Variants in NAPEPLD observed in about 807,000 individuals in gnomAD.
The protein encoded by NAPEPLD is N-acyl-phosphatidylethanolamine-hydrolyzing phospholipase D.
A neutral mutation model predicts 38.1 loss-of-function variants in NAPEPLD; 23 were observed. The ratio of observed to expected loss-of-function variants is 0.60; its 90% confidence interval spans 0.43 to 0.86. The LOEUF (loss-of-function observed/expected upper bound fraction) is 0.86, where lower values mean the gene tolerates loss of function less well. NAPEPLD is among the 40% of genes least tolerant of loss of function. The pLI, the probability that NAPEPLD is intolerant of heterozygous loss-of-function variation, is 0.00. For missense variants in NAPEPLD, 411 were observed against 476.8 expected (o/e 0.86, Z 1.28); for synonymous variants, 147 against 162.0 (o/e 0.91, Z 0.71).
intron 1 of NAPEPLD, among the ~76,000 whole-genome samples, chr7:103,146,792 G>A (rs79885585): frequency 0.049 from 7,493 of 152,142 alleles, 243 homozygotes; most frequent in African/African-American, 0.084. Context: ...AGTCTGCAGT[G>A]TATATATTCT....
upstream of NAPEPLD, chr7:103,149,293 G>A (rs1362457524): frequency 5.7e-5 from 61 of 1,079,136 alleles, no homozygotes; most frequent in Non-Finnish European, 6.8e-5. Context: ...CGCTTGGGGT[G>A]GCCGGGAGCG....
At chr7:103,117,567 C>T (rs548283846) in intron 3 of NAPEPLD, among the ~76,000 whole-genome samples, 8 of 152,278 alleles carry the variant, frequency 5.3e-5, no homozygotes, top group South Asian at 2.1e-4. Context: ...AAGTTGTTTT[C>T]GGTCTAAACA....
At chr7:103,116,849 A>G (rs1381673813) in intron 3 of NAPEPLD, among the ~76,000 whole-genome samples, 2 of 152,202 alleles carry the variant, frequency 1.3e-5, no homozygotes, top group Non-Finnish European at 2.9e-5. Context: ...TTGTCTGTGA[A>G]ATATAAATTT....
intron 1 of NAPEPLD, among the ~76,000 whole-genome samples, chr7:103,142,214 A>G (rs1811553140): frequency 6.6e-6 from 1 of 152,036 alleles, no homozygotes; most frequent in Non-Finnish European, 1.5e-5. Flanking sequence ...CGTAAAGCCA[A>G]CTCTTACTTC....
chr7:103,115,170 AC>A lies in NAPEPLD; in HGVS notation c.945del (p.Trp315CysfsTer3). ...GGGTCTACATGCTGGTATTTCATAA[AC>A]CACCTGAAGAAACATGGCAATTTCT... ...AIPIGAYEPR[W>X]FMKYQHVDPE... On this transcript the variant is annotated frameshift_variant, in exon 4 of 5. Transcript: ENST00000465647. LOFTEE classifies it high-confidence loss of function. The A allele has an allele frequency of 6.2e-7, 1 of 1,609,752 alleles. No individual in the cohort carries two copies. The highest frequency in any genetic ancestry group is 8.5e-7 in the Non-Finnish European group (1 of 1,177,538).
At chr7:103,130,414 T>C (rs1808689773) in intron 1 of NAPEPLD, among the ~76,000 whole-genome samples, 1 of 152,196 alleles carries the variant, frequency 6.6e-6, no homozygotes. Context: ...TAACAAGATT[T>C]ATACTTTGGG....
At position 103,114,953 on chromosome 7, in the gene NAPEPLD, G is replaced by A. The variant is rs1430930101; in HGVS notation, c.1056+107C>T. ...TTCATGCAGTGACTGTGATGACTGT[G>A]CAGTATCTGATTCCAGAGTCTTGGG... On this transcript the variant is annotated intron_variant, in intron 4 of 4. Coordinates refer to ENST00000465647, the MANE Select transcript of NAPEPLD (RefSeq NM_001122838.3). 3 of 744,160 alleles carry A rather than the reference G, an allele frequency of 4.0e-6. No individual in the cohort carries two copies. In the East Asian group the frequency reaches 7.6e-5, roughly 19 times the overall value. 46.1% of individuals were successfully genotyped at this position (744,160 alleles called of 1,614,324 possible).
intron 1 of NAPEPLD, among the ~76,000 whole-genome samples, chr7:103,138,834 A>G (rs936687431): frequency 1.3e-5 from 2 of 152,202 alleles, no homozygotes; most frequent in African/African-American, 4.8e-5. Context: ...TGTAAAATAG[A>G]GGACTGGGAT....
intron 4 of NAPEPLD, among the ~76,000 whole-genome samples, chr7:103,112,599 G>A (rs971279032): frequency 6.6e-6 from 1 of 152,040 alleles, no homozygotes; most frequent in African/African-American, 2.4e-5. Flanking sequence ...ATTGGGGCCT[G>A]TCAGGGGGTG....
chr7:103,138,274 T>C (rs1320334195), intron 1 of NAPEPLD, among the ~76,000 whole-genome samples: 1 of 152,140 alleles, frequency 6.6e-6, no homozygotes, highest in African/African-American at 2.4e-5. Context: ...GACTACTTTC[T>C]CTCTACTATC....
intron 2 of NAPEPLD, among the ~76,000 whole-genome samples, chr7:103,125,288 T>C (rs10229137): frequency 0.99 from 150,730 of 152,360 alleles, 74,569 homozygotes; most frequent in Middle Eastern, 1. Flanking sequence ...CAATGTTTGA[T>C]ATTTTTGCCA....
At position 103,115,062 on chromosome 7, in the gene NAPEPLD, C is replaced by T. The variant is rs764245348; in HGVS notation, c.1054G>A (p.Glu352Lys). 2 of 1,610,896 alleles carry T rather than the reference C, an allele frequency of 1.2e-6. No homozygotes were observed. The highest frequency in any genetic ancestry group is 8.5e-7 in the Non-Finnish European group (1 of 1,177,760). ...ATTTTTATCGCAATCAAACTTACCT[C>T]ATTTGCTAAGGCAAAAGTTCCCCAG... ...IHWGTFALAN[E>K]HYLEPPVKLN... Residue 352 changes from glutamate to lysine, a missense_variant and splice_region_variant, in exon 4 of 5, where the codon GAG becomes AAG. By Grantham distance (56) the Glu-to-Lys change is moderately conservative (BLOSUM62 1). Transcript: ENST00000465647.
intron 4 of NAPEPLD, among the ~76,000 whole-genome samples, chr7:103,110,124 A>C (rs149956915): frequency 0.027 from 4,094 of 152,254 alleles, 98 homozygotes; most frequent in Non-Finnish European, 0.036. Flanking sequence ...ATTCACAGCC[A>C]AATTCTACCA....
rs1442130900 is a variant in NAPEPLD at position 103,115,114 on chromosome 7, G to A, written c.1002C>T (p.Val334=). The part of the protein sequence containing the change: ...PEEAVRIHTD[V]QTKKSMAIHW... Reference sequence around the variant, plus strand: ...GAATTGCCATAGATTTCTTTGTTTGGACATCAGTGTGAATCCTTACAGCTT... The same window carrying A: ...GAATTGCCATAGATTTCTTTGTTTGAACATCAGTGTGAATCCTTACAGCTT... The change falls in exon 4 of 5, where the codon GTC becomes GTT. Residue 334 remains valine (V), a synonymous_variant. Transcript: ENST00000465647. 5 of 1,613,710 alleles carry A rather than the reference G, an allele frequency of 3.1e-6. No homozygotes were observed. The highest frequency in any genetic ancestry group is 4.2e-6 in the Non-Finnish European group (5 of 1,179,876).
chr7:103,145,940 C>A (rs1481867142), intron 1 of NAPEPLD, among the ~76,000 whole-genome samples: 1 of 151,564 alleles, frequency 6.6e-6, no homozygotes, highest in Non-Finnish European at 1.5e-5. Flanking sequence ...TCATTGGCTA[C>A]TTTTACCATA....
In NAPEPLD at chr7:103,100,638, G is replaced by A. The variant is rs1268712299; in HGVS notation, c.*2791C>T. 1 of 152,186 alleles carries A rather than the reference G, an allele frequency of 6.6e-6. No individual in the cohort carries two copies. Among genetic ancestry groups the A allele is most frequent in the African/African-American group, 2.4e-5 (1 of 41,442 alleles). The allele number at this position is 152,186 out of a possible 1,614,324, so 9.4% of individuals were successfully genotyped here. A position where few individuals can be genotyped will look rare whatever the true frequency, so the allele number is the denominator to read the frequency against. On this transcript the variant is annotated 3_prime_UTR_variant, in exon 5 of 5. Coordinates refer to ENST00000465647, the MANE Select transcript of NAPEPLD (RefSeq NM_001122838.3). Reference sequence around the variant, plus strand: ...AATAAAATCTTACATATTGCTATGGGTATTCACGAAGAGGAAAATGAAGTT... The same window carrying A: ...AATAAAATCTTACATATTGCTATGGATATTCACGAAGAGGAAAATGAAGTT...
At chr7:103,149,843 TCA>T (rs1213486802), upstream of NAPEPLD, among the ~76,000 whole-genome samples, 1 of 152,174 alleles carries the variant, frequency 6.6e-6, no homozygotes, top group Non-Finnish European at 1.5e-5. Flanking sequence ...GCCAACTCAA[TCA>T]CAGTCGAGAA....
intron 2 of NAPEPLD, among the ~76,000 whole-genome samples, chr7:103,121,701 T>C (rs149761916): frequency 8.5e-5 from 13 of 152,352 alleles, no homozygotes; most frequent in African/African-American, 3.1e-4. Flanking sequence ...ATTTTGCTCC[T>C]AGACTGGCTA....
intron 2 of NAPEPLD, among the ~76,000 whole-genome samples, chr7:103,125,977 A>G (rs1179094042): frequency 6.6e-6 from 1 of 152,012 alleles, no homozygotes; most frequent in Non-Finnish European, 1.5e-5. Context: ...TTTTTTTCAA[A>G]TTGCTGAAAT....
Sources: gnomAD v4.1 joint callset for allele counts (sites outside exome capture counted in the v4.1 genomes callset) on GRCh38, gnomAD v4.1.1 for gene constraint, MANE v1.5 for transcripts, NCBI Gene and HGNC (gene_info 2026-07-23, HGNC 2026-07-21) for gene names.